The following WDPCP variants were observed in gnomAD, a reference collection of about 807,000 sequenced individuals.
The protein encoded by WDPCP is WD repeat containing planar cell polarity effector.
In WDPCP, 71 loss-of-function variants were observed where a neutral mutation model predicts 93.1. The observed-to-expected ratio is 0.76, with a 90% CI of 0.63 to 0.93. WDPCP has a LOEUF of 0.93. WDPCP is among the 40% of genes least tolerant of loss of function. The pLI, the probability that WDPCP is intolerant of heterozygous loss-of-function variation, is 0.00. For synonymous variants in WDPCP, 315 were observed against 315.0 expected, an observed-to-expected ratio of 1.00 and a Z score of 0.00; for missense variants, 844 against 887.4, an observed-to-expected ratio of 0.95 and a Z score of 0.62.
At chr2:63,443,985 G>A (rs1377907794) in intron 6 of WDPCP, among the ~76,000 whole-genome samples, 2 of 152,138 alleles carry the variant, frequency 1.3e-5, no homozygotes, top group Admixed American at 6.6e-5. Flanking sequence ...TACCAGTGGA[G>A]AGATCTAGTA....
At chr2:63,538,839 T>C (rs1405664472) in intron 1 of WDPCP, among the ~76,000 whole-genome samples, 1 of 152,208 alleles carries the variant, frequency 6.6e-6, no homozygotes, top group African/African-American at 2.4e-5. Flanking sequence ...CATTATATAA[T>C]AGCTCTGAGA....
At chr2:63,254,735 G>A (rs532697386) in intron 14 of WDPCP, among the ~76,000 whole-genome samples, 82 of 152,144 alleles carry the variant, frequency 5.4e-4, no homozygotes, top group African/African-American at 1.9e-3. Context: ...TAAAGAGCTG[G>A]ATCATAAAGT....
At position 63,801,186 on chromosome 2, in the gene WDPCP, T is replaced by C. The variant is rs1670688834; in HGVS notation, n.308+12436A>G. 4.6e-5 allele frequency among the ~76,000 whole-genome samples: 7 copies of C among 152,354 alleles called. No homozygotes were observed. The South Asian group carries it at 1.5e-3, about 32-fold the overall frequency. On this transcript the variant is annotated intron_variant and non_coding_transcript_variant, in intron 2 of 4. Transcript: ENST00000467687. ...ATCTCTCATAACTTTGCAGTCAATC[T>C]GTCAGCTGGGGCAGGAATCATATGA...
chr2:63,120,108 G>T lies in WDPCP; in HGVS notation c.*1898C>A, dbSNP rs1343854801. 1.3e-5 allele frequency among the ~76,000 whole-genome samples: 2 copies of T among 152,016 alleles called. No homozygotes were observed. The highest frequency in any genetic ancestry group is 1.3e-4 in the Admixed American group (2 of 15,274). On this transcript the variant is annotated 3_prime_UTR_variant, in exon 18 of 18. Coordinates refer to ENST00000272321, the MANE Select transcript of WDPCP (RefSeq NM_015910.7). ...TTTATCTTTAGTATCTCACAGGAAA[G>T]GTATTTTGGGTTAATGACTATTTAC...
chr2:63,161,623 T>A (rs1672649527), intron 15 of WDPCP, among the ~76,000 whole-genome samples: 1 of 152,170 alleles, frequency 6.6e-6, no homozygotes, highest in African/African-American at 2.4e-5. Context: ...AGTGAATCAA[T>A]TTAAACTGGG....
chr2:63,565,108 G>A lies in WDPCP; in HGVS notation c.75+23089C>T, dbSNP rs562400383. 5.3e-4 allele frequency among the ~76,000 whole-genome samples: 81 copies of A among 152,130 alleles called. 1 individual carries two copies. Among genetic ancestry groups the A allele is most frequent in the African/African-American group, 1.8e-3 (76 of 41,498 alleles). The stretch of plus-strand genomic sequence containing the variant: ...CACTTTTTAAAAAGATCAGACTACT[G>A]TCCAGAATGATGAAAGCAAAACAAG... On this transcript the variant is annotated intron_variant, in intron 1 of 17. Transcript: ENST00000272321.
intron 1 of WDPCP, among the ~76,000 whole-genome samples, chr2:63,827,198 G>T (rs1671126012): frequency 7.0e-6 from 1 of 143,310 alleles, no homozygotes; most frequent in South Asian, 2.1e-4. Flanking sequence ...ACAATCCCCT[G>T]TTACCCCTGT....
At chr2:63,722,254 G>A (rs1240402721) in intron 2 of WDPCP, among the ~76,000 whole-genome samples, 3 of 150,930 alleles carry the variant, frequency 2.0e-5, no homozygotes, top group Non-Finnish European at 4.4e-5. Flanking sequence ...GAGCGTCTCC[G>A]CCCGGCCGCC....
intron 2 of WDPCP, among the ~76,000 whole-genome samples, chr2:63,781,942 A>G (rs1016939243): frequency 2.9e-4 from 44 of 152,222 alleles, no homozygotes; most frequent in Admixed American, 2.5e-3. Context: ...TGTGTATATA[A>G]AAGGAGAACT....
intron 1 of WDPCP, among the ~76,000 whole-genome samples, chr2:63,549,284 G>A (rs1013965601): frequency 2.0e-5 from 3 of 148,366 alleles, no homozygotes; most frequent in African/African-American, 7.4e-5. Context: ...TAGCATTTGT[G>A]CTAAGCATCC....
At chr2:63,699,867 C>G (rs909476905) in intron 2 of WDPCP, among the ~76,000 whole-genome samples, 1 of 152,100 alleles carries the variant, frequency 6.6e-6, no homozygotes, top group Non-Finnish European at 1.5e-5. Flanking sequence ...TAGTATTATA[C>G]AAGGTCTCAA....
At chr2:63,541,162 A>G (rs1704691566) in intron 1 of WDPCP, among the ~76,000 whole-genome samples, 1 of 152,030 alleles carries the variant, frequency 6.6e-6, no homozygotes, top group African/African-American at 2.4e-5. Flanking sequence ...TAGTAGAGAT[A>G]GGTTTTTGCC....
At chr2:63,471,549 T>G (rs182921729) in intron 6 of WDPCP, among the ~76,000 whole-genome samples, 4 of 152,350 alleles carry the variant, frequency 2.6e-5, no homozygotes, top group African/African-American at 9.6e-5. Flanking sequence ...CTTCAATAGA[T>G]GCTGTTTCTT....
chr2:63,702,724 T>TC (rs1252919738), intron 2 of WDPCP, among the ~76,000 whole-genome samples: 1 of 151,816 alleles, frequency 6.6e-6, no homozygotes, highest in Non-Finnish European at 1.5e-5. Context: ...TTTTTTACTT[T>TC]TTTTTTTTAA....
chr2:63,502,965 C>G (rs545704835), intron 1 of WDPCP, among the ~76,000 whole-genome samples: 1 of 152,304 alleles, frequency 6.6e-6, no homozygotes, highest in East Asian at 1.9e-4. Context: ...CCAAGATAAT[C>G]TGTGCACCGT....
At chr2:63,606,700 G>A (rs1014851480) in intron 3 of WDPCP, among the ~76,000 whole-genome samples, 2 of 151,474 alleles carry the variant, frequency 1.3e-5, no homozygotes, top group Admixed American at 6.6e-5. Flanking sequence ...TTCAAGTGTT[G>A]AGTTTTTATT....
intron 2 of WDPCP, among the ~76,000 whole-genome samples, chr2:63,726,674 A>G (rs1253690194): frequency 6.6e-6 from 1 of 152,154 alleles, no homozygotes; most frequent in Admixed American, 6.5e-5. Context: ...TATCCATGAT[A>G]ATGGAATGTT....
intron 1 of WDPCP, among the ~76,000 whole-genome samples, chr2:63,500,702 ATT>A (rs1013007619): frequency 2.6e-5 from 4 of 152,102 alleles, no homozygotes; most frequent in Non-Finnish European, 5.9e-5. Context: ...CTCTGCCTCA[ATT>A]TCCCCACCTG....
intron 13 of WDPCP, among the ~76,000 whole-genome samples, chr2:63,310,673 C>T (rs1486617426): frequency 2.2e-5 from 3 of 133,380 alleles, no homozygotes; most frequent in Non-Finnish European, 5.0e-5. Context: ...CAACAGAGCC[C>T]GTATGGCTTG....
Sources: allele counts gnomAD v4.1 joint callset (sites outside exome capture counted in the v4.1 genomes callset), GRCh38; gene constraint gnomAD v4.1.1; transcripts MANE v1.5; gene names NCBI Gene and HGNC (gene_info 2026-07-23, HGNC 2026-07-21).